The following VPS53 variants were observed in gnomAD, a reference collection of about 807,000 sequenced individuals.
VPS53 encodes the protein VPS53 subunit of GARP complex, also known as vacuolar protein sorting-associated protein 53 homolog.
Under a neutral mutation model 107.0 loss-of-function variants are expected in VPS53, and 70 were observed. That is an observed-to-expected ratio of 0.65 (90% confidence interval 0.54 to 0.80). The LOEUF is 0.80. Among genes scored for constraint, VPS53 ranks in the 30% least tolerant of loss-of-function variants. VPS53 has a pLI of 0.00. For synonymous variants in VPS53, 409 were observed against 393.3 expected (o/e 1.04, Z -0.47); for missense variants, 917 against 1,049.4 (o/e 0.87, Z 1.74).
At chr17:662,725 A>G (rs942551121) in intron 4 of VPS53, among the ~76,000 whole-genome samples, 2 of 119,042 alleles carry the variant, frequency 1.7e-5, no homozygotes, top group Non-Finnish European at 3.9e-5. Flanking sequence ...ATGAAAGAAG[A>G]AGGGAGAGAA....
intron 12 of VPS53, among the ~76,000 whole-genome samples, chr17:589,720 G>C (rs1967534442): frequency 6.6e-6 from 1 of 152,144 alleles, no homozygotes; most frequent in African/African-American, 2.4e-5. Flanking sequence ...ATGGCATATT[G>C]TCCCATTGAT....
chr17:681,337 A>G (rs1256844112), intron 4 of VPS53, among the ~76,000 whole-genome samples: 1 of 152,146 alleles, frequency 6.6e-6, no homozygotes, highest in Non-Finnish European at 1.5e-5. Context: ...TGGTTTCACC[A>G]TATTGGTCAG....
intron 4 of VPS53, among the ~76,000 whole-genome samples, chr17:664,139 C>G: frequency 6.6e-6 from 1 of 151,984 alleles, no homozygotes; most frequent in East Asian, 1.9e-4. Flanking sequence ...AGTTAAGTGG[C>G]GTGATCTCAG....
Position 513,331 on chromosome 17 carries a change from CTTTAT to C in VPS53, c.*5792_*5796del, listed in dbSNP as rs1908066340. 1.3e-5 allele frequency: 2 copies of C among 152,158 alleles called. No individual in the cohort carries two copies. Among genetic ancestry groups the C allele is most frequent in the Non-Finnish European group, 1.5e-5 (1 of 68,038 alleles). 9.4% of individuals were successfully genotyped at this position (152,158 alleles called of 1,614,324 possible). On this transcript the variant is annotated 3_prime_UTR_variant, in exon 22 of 22. Transcript: ENST00000437048. ...AGCTATTTACACAAAGAAGCAATCCCTTTATTTTAAGGAAATTTATATCTCCCAAA... is the reference window on the plus strand; with the variant it reads ...AGCTATTTACACAAAGAAGCAATCCCTTTAAGGAAATTTATATCTCCCAAA...
chr17:602,283 C>A lies in VPS53; in HGVS notation c.1117-387G>T, dbSNP rs144259074. ...AATATAGCAATTGCCCATTATTTGTCTTTTCCCTTCTGGCCTCCATGATGG... is the reference window on the plus strand; with the variant it reads ...AATATAGCAATTGCCCATTATTTGTATTTTCCCTTCTGGCCTCCATGATGG... On this transcript the variant is annotated intron_variant, in intron 11 of 21. Coordinates refer to ENST00000437048, the MANE Select transcript of VPS53 (RefSeq NM_001128159.3). 9.6e-3 allele frequency among the ~76,000 whole-genome samples: 1,459 copies of A among 152,296 alleles called. 15 individuals carry two copies. The highest frequency in any genetic ancestry group is 0.015 in the Non-Finnish European group (1,040 of 68,024).
intron 13 of VPS53, among the ~76,000 whole-genome samples, chr17:564,625 G>A (rs1261726321): frequency 6.6e-6 from 1 of 151,758 alleles, no homozygotes; most frequent in Admixed American, 6.6e-5. Context: ...ACCTGAGGCA[G>A]AGAATCACTT....
chr17:618,849 A>AC (rs2143018139), intron 11 of VPS53, among the ~76,000 whole-genome samples: 1 of 115,814 alleles, frequency 8.6e-6, no homozygotes, highest in East Asian at 2.9e-4. Context: ...GCACCACCAC[A>AC]CCTGCTAATA....
At chr17:536,016 C>T (rs1277014109) in intron 18 of VPS53, among the ~76,000 whole-genome samples, 1 of 152,172 alleles carries the variant, frequency 6.6e-6, no homozygotes, top group Admixed American at 6.6e-5. Context: ...CCTGAGAAGT[C>T]TGCCAAAATG....
chr17:630,024 T>C (rs1251937609), intron 8 of VPS53, among the ~76,000 whole-genome samples: 2 of 152,114 alleles, frequency 1.3e-5, no homozygotes, highest in African/African-American at 4.8e-5. Context: ...CTGGGCATGG[T>C]GGCTCATGCC....
At chr17:618,350 A>G (rs12941685) in intron 11 of VPS53, among the ~76,000 whole-genome samples, 3,236 of 70,820 alleles carry the variant, frequency 0.046, 315 homozygotes, top group African/African-American at 0.13. Flanking sequence ...ACAGGGGTGC[A>G]CCACCACGCC....
Position 513,541 on chromosome 17 carries a change from C to A in VPS53, c.*5587G>T. Reference sequence around the variant, plus strand: ...GGAGCTCTATTTTATTTTTAGGAATCTGACTTGGAGTAGACGAGAAGTGTG... The same window carrying A: ...GGAGCTCTATTTTATTTTTAGGAATATGACTTGGAGTAGACGAGAAGTGTG... On this transcript the variant is annotated 3_prime_UTR_variant, in exon 22 of 22. Coordinates refer to ENST00000437048, the MANE Select transcript of VPS53 (RefSeq NM_001128159.3). 1 of 152,238 alleles carries A rather than the reference C, an allele frequency of 6.6e-6. No homozygotes were observed. The highest frequency in any genetic ancestry group is 1.9e-4 in the East Asian group (1 of 5,202). The allele number at this position is 152,238 out of a possible 1,614,324, so 9.4% of individuals were successfully genotyped here.
chr17:699,506 T>C, intron 2 of VPS53, 126 bp from the exon 3 acceptor site: 1 of 709,416 alleles, frequency 1.4e-6, no homozygotes, highest in Non-Finnish European at 2.1e-6. Context: ...TGATATGAGT[T>C]TTGCTTTAAA....
intron 5 of VPS53, among the ~76,000 whole-genome samples, chr17:658,330 C>T (rs1353710596): frequency 1.3e-4 from 16 of 124,032 alleles, no homozygotes; most frequent in African/African-American, 3.2e-4. Flanking sequence ...GACACTCGGC[C>T]GTGAGTTCGT....
At chr17:647,766 T>C (rs1970767058) in intron 7 of VPS53, among the ~76,000 whole-genome samples, 3 of 152,180 alleles carry the variant, frequency 2.0e-5, no homozygotes, top group African/African-American at 4.8e-5. Flanking sequence ...CTCCCATTCC[T>C]GCCCCGGAGC....
At chr17:620,913 AT>A (rs1411428455) in intron 11 of VPS53, among the ~76,000 whole-genome samples, 1 of 152,036 alleles carries the variant, frequency 6.6e-6, no homozygotes, top group Non-Finnish European at 1.5e-5. Flanking sequence ...CGGCCTCTAC[AT>A]TAGATTTTGT....
chr17:632,202 C>A (rs1254618204), intron 7 of VPS53, among the ~76,000 whole-genome samples: 1 of 152,098 alleles, frequency 6.6e-6, no homozygotes, highest in African/African-American at 2.4e-5. Context: ...GAGCTATGAT[C>A]ACACCACAGC....
chr17:636,533 G>A (rs1485993916), intron 7 of VPS53, among the ~76,000 whole-genome samples: 1 of 152,182 alleles, frequency 6.6e-6, no homozygotes, highest in Non-Finnish European at 1.5e-5. Context: ...TGCCCATTCA[G>A]TATGATATTG....
chr17:652,004 T>C (rs1180322781), intron 7 of VPS53, among the ~76,000 whole-genome samples: 2 of 151,308 alleles, frequency 1.3e-5, no homozygotes, highest in Non-Finnish European at 2.9e-5. Flanking sequence ...TGGTTCACTG[T>C]ATTTTTTTTT....
intron 6 of VPS53, among the ~76,000 whole-genome samples, chr17:654,176 C>G (rs1367650901): frequency 6.6e-6 from 1 of 152,108 alleles, no homozygotes; most frequent in East Asian, 1.9e-4. Context: ...GCCAGGGTGA[C>G]AGTGGGAGAC....
Sources: allele counts gnomAD v4.1 joint callset (sites outside exome capture counted in the v4.1 genomes callset), GRCh38; gene constraint gnomAD v4.1.1; transcripts MANE v1.5; gene names NCBI Gene and HGNC (gene_info 2026-07-23, HGNC 2026-07-21).